Variants in ZNF804B observed in about 807,000 individuals in gnomAD.
ZNF804B encodes zinc finger protein 804B.
In ZNF804B, 80 loss-of-function variants were observed where a neutral mutation model predicts 101.4. That is an observed-to-expected ratio of 0.79 (90% confidence interval 0.66 to 0.95). The LOEUF (loss-of-function observed/expected upper bound fraction) is 0.95, where lower values mean the gene tolerates loss of function less well. Ranked by LOEUF, ZNF804B falls within the 40% of genes least tolerant of loss-of-function variation. The pLI, the probability that ZNF804B is intolerant of heterozygous loss-of-function variation, is 0.00. For synonymous variants in ZNF804B, 622 were observed against 558.8 expected (o/e 1.11, Z -1.59); for missense variants, 1,673 against 1,561.9 (o/e 1.07, Z -1.20).
intron 1 of ZNF804B, among the ~76,000 whole-genome samples, chr7:89,071,181 A>G (rs991025680): frequency 6.6e-6 from 1 of 152,208 alleles, no homozygotes; most frequent in Non-Finnish European, 1.5e-5. Context: ...TACAGACACA[A>G]TTGCCCTTTT....
At chr7:88,948,575 G>A (rs931792336) in intron 1 of ZNF804B, among the ~76,000 whole-genome samples, 2 of 151,802 alleles carry the variant, frequency 1.3e-5, no homozygotes, top group Admixed American at 6.6e-5. Flanking sequence ...CTGACCCCCT[G>A]CCTGTACCTG....
intron 3 of ZNF804B, among the ~76,000 whole-genome samples, chr7:89,332,375 C>G (rs1469062669): frequency 6.6e-6 from 1 of 151,522 alleles, no homozygotes; most frequent in Non-Finnish European, 1.5e-5. Context: ...TATATTCAAG[C>G]AACAAATGAC....
intron 1 of ZNF804B, among the ~76,000 whole-genome samples, chr7:88,839,442 A>C (rs1791264790): frequency 6.6e-6 from 1 of 151,974 alleles, no homozygotes; most frequent in African/African-American, 2.4e-5. Flanking sequence ...TGCTGTCCAG[A>C]AAGTAGAGTA....
chr7:89,008,460 G>A (rs565330816), intron 1 of ZNF804B, among the ~76,000 whole-genome samples: 7 of 152,266 alleles, frequency 4.6e-5, no homozygotes, highest in African/African-American at 1.7e-4. Flanking sequence ...TCAATTCTGA[G>A]AAAGACAAAG....
chr7:88,928,518 A>G (rs1792838628), intron 1 of ZNF804B, among the ~76,000 whole-genome samples: 1 of 152,152 alleles, frequency 6.6e-6, no homozygotes, highest in South Asian at 2.1e-4. Context: ...CCTAGATATG[A>G]TACATCTGGC....
intron 2 of ZNF804B, among the ~76,000 whole-genome samples, chr7:89,239,318 T>A (rs1313121247): frequency 1.3e-5 from 2 of 152,060 alleles, no homozygotes; most frequent in African/African-American, 4.8e-5. Context: ...AACCACAACA[T>A]CATTTCTGAA....
chr7:89,148,931 C>T (rs758538621), intron 1 of ZNF804B, among the ~76,000 whole-genome samples: 4 of 152,026 alleles, frequency 2.6e-5, no homozygotes, highest in Non-Finnish European at 1.5e-5. Context: ...CATAAACAAT[C>T]AGGTCCACAG....
chr7:88,990,837 C>T (rs1793834546), intron 1 of ZNF804B, among the ~76,000 whole-genome samples: 2 of 151,952 alleles, frequency 1.3e-5, no homozygotes, highest in East Asian at 3.9e-4. Flanking sequence ...TGTATCAGTC[C>T]TTAATTTTTG....
At chr7:89,317,308 G>A (rs1166592839) in intron 2 of ZNF804B, among the ~76,000 whole-genome samples, 1 of 152,294 alleles carries the variant, frequency 6.6e-6, no homozygotes, top group South Asian at 2.1e-4. Flanking sequence ...TAAGTGAAGG[G>A]GTGGAAAACA....
chr7:89,061,591 T>C (rs1480651185), intron 1 of ZNF804B, among the ~76,000 whole-genome samples: 2 of 152,106 alleles, frequency 1.3e-5, no homozygotes, highest in African/African-American at 4.8e-5. Flanking sequence ...GAGCAGGGAT[T>C]TTGAAGTAAG....
intron 1 of ZNF804B, among the ~76,000 whole-genome samples, chr7:89,211,778 G>C (rs1227740595): frequency 6.6e-5 from 10 of 152,158 alleles, no homozygotes; most frequent in South Asian, 2.1e-4. Context: ...CCAGTAGCAT[G>C]ATGACTCCAG....
chr7:88,759,765 C>T lies in ZNF804B; in HGVS notation c.-212C>T. The T allele has an allele frequency of 1.7e-6, 1 of 583,126 alleles. No individual in the cohort carries two copies. Among genetic ancestry groups the T allele is most frequent in the South Asian group, 2.0e-5 (1 of 49,890 alleles). The allele number at this position is 583,126 out of a possible 1,614,324, so 36.1% of individuals were successfully genotyped here. Reference sequence around the variant, plus strand: ...TCCCCTCCGTGCTCTGTGCTGTCGCCGCCGCCGCCTCTGTCAGAGCAGCAG... The same window carrying T: ...TCCCCTCCGTGCTCTGTGCTGTCGCTGCCGCCGCCTCTGTCAGAGCAGCAG... On this transcript the variant is annotated 5_prime_UTR_variant, in exon 1 of 4. Coordinates refer to ENST00000333190, the MANE Select transcript of ZNF804B (RefSeq NM_181646.5).
At chr7:89,300,272 TC>T (rs1256671353) in intron 2 of ZNF804B, among the ~76,000 whole-genome samples, 1 of 151,708 alleles carries the variant, frequency 6.6e-6, no homozygotes, top group Non-Finnish European at 1.5e-5. Flanking sequence ...TCTCTTACCT[TC>T]CCCTATTTTG....
At chr7:89,196,010 A>G (rs1244545759) in intron 1 of ZNF804B, among the ~76,000 whole-genome samples, 2 of 152,124 alleles carry the variant, frequency 1.3e-5, no homozygotes, top group African/African-American at 4.8e-5. Context: ...AGCTATTCCC[A>G]TTAAACTACC....
intron 2 of ZNF804B, among the ~76,000 whole-genome samples, chr7:89,227,096 A>G (rs951043432): frequency 3.9e-5 from 6 of 152,110 alleles, no homozygotes; most frequent in Non-Finnish European, 8.8e-5. Flanking sequence ...TCTATCCTGG[A>G]TTACACTTCT....
intron 2 of ZNF804B, among the ~76,000 whole-genome samples, chr7:89,253,133 G>T (rs969774054): frequency 6.6e-6 from 1 of 152,062 alleles, no homozygotes; most frequent in Admixed American, 6.6e-5. Context: ...TATAGCTAAG[G>T]TAATACTTAT....
At chr7:88,827,311 A>C (rs1791063385) in intron 1 of ZNF804B, among the ~76,000 whole-genome samples, 1 of 151,724 alleles carries the variant, frequency 6.6e-6, no homozygotes, top group Non-Finnish European at 1.5e-5. Context: ...AATTATAAAG[A>C]AAGAGTACTA....
At chr7:89,181,477 C>T (rs926994041) in intron 1 of ZNF804B, among the ~76,000 whole-genome samples, 12 of 152,176 alleles carry the variant, frequency 7.9e-5, no homozygotes, top group African/African-American at 2.7e-4. Context: ...TAGAGCAGCA[C>T]TGAGTTCCAA....
chr7:89,052,744 C>T (rs539042920), intron 1 of ZNF804B, among the ~76,000 whole-genome samples: 176 of 152,264 alleles, frequency 1.2e-3, no homozygotes, highest in African/African-American at 4.1e-3. Flanking sequence ...ACAAAACGTA[C>T]TCACATTTAG....
Sources: gnomAD v4.1 joint callset for allele counts (sites outside exome capture counted in the v4.1 genomes callset) on GRCh38, gnomAD v4.1.1 for gene constraint, MANE v1.5 for transcripts, NCBI Gene and HGNC (gene_info 2026-07-23, HGNC 2026-07-21) for gene names.